TRHDE: variants seen among roughly 807,000 people sequenced by gnomAD.
TRHDE encodes thyrotropin releasing hormone degrading enzyme, also known as thyrotropin-releasing hormone-degrading ectoenzyme.
TRHDE carries 72 observed loss-of-function variants against 125.7 expected under a neutral mutation model. That is an observed-to-expected ratio of 0.57 (90% CI 0.47 to 0.70). The LOEUF is 0.70. Among genes scored for constraint, TRHDE ranks in the 30% least tolerant of loss-of-function variants. TRHDE has a pLI of 0.00. For synonymous variants in TRHDE, 509 were observed against 509.1 expected (o/e 1.00, Z 0.00); for missense variants, 1,110 against 1,327.1 (o/e 0.84, Z 2.54).
intron 2 of TRHDE, among the ~76,000 whole-genome samples, chr12:72,179,419 T>C (rs906270424): frequency 6.6e-6 from 1 of 151,980 alleles, no homozygotes; most frequent in Non-Finnish European, 1.5e-5. Context: ...TAAACTCTTA[T>C]AGAATGTATC....
intron 1 of TRHDE, among the ~76,000 whole-genome samples, chr12:72,281,007 A>T (rs1879677150): frequency 6.6e-6 from 1 of 152,234 alleles, no homozygotes. Context: ...ATACCCTTCA[A>T]CAATGATGAT....
chr12:72,305,452 C>G (rs998258866), intron 2 of TRHDE, among the ~76,000 whole-genome samples: 5 of 152,130 alleles, frequency 3.3e-5, no homozygotes, highest in African/African-American at 1.2e-4. Flanking sequence ...TCATAAATTG[C>G]CTTCGGGGCA....
chr12:72,419,275 TA>T (rs1269861569), intron 3 of TRHDE, among the ~76,000 whole-genome samples: 1 of 152,178 alleles, frequency 6.6e-6, no homozygotes, highest in African/African-American at 2.4e-5. Context: ...AGAAAAAATG[TA>T]AAAAGTTGTA....
chr12:72,241,752 G>A (rs1592496851), intron 2 of TRHDE, among the ~76,000 whole-genome samples: 1 of 152,124 alleles, frequency 6.6e-6, no homozygotes, highest in Non-Finnish European at 1.5e-5. Context: ...GTCAGTTTTT[G>A]TTGCCATCAG....
Position 72,666,014 on chromosome 12 carries a change from A to G in TRHDE, c.*2819A>G, listed in dbSNP as rs1875102095. 6.6e-6 allele frequency: 1 copy of G among 152,078 alleles called. No homozygotes were observed. The allele number at this position is 152,078 out of a possible 1,614,324, so 9.4% of individuals were successfully genotyped here. ...ACTTGCATTATTTTATATTATCTCC[A>G]GGACAATTATATCATAGGACTAAGA... On this transcript the variant is annotated 3_prime_UTR_variant, in exon 19 of 19. Coordinates refer to ENST00000261180, the MANE Select transcript of TRHDE (RefSeq NM_013381.3).
intron 3 of TRHDE, among the ~76,000 whole-genome samples, chr12:72,441,791 C>G (rs1158289922): frequency 2.0e-5 from 3 of 151,694 alleles, no homozygotes; most frequent in Non-Finnish European, 4.4e-5. Flanking sequence ...GATAATAAAG[C>G]AAATGCTAGT....
chr12:72,393,267 G>T lies in TRHDE; in HGVS notation c.1315+15146G>T, dbSNP rs138849912. On this transcript the variant is annotated intron_variant, in intron 3 of 18. Coordinates refer to ENST00000261180, the MANE Select transcript of TRHDE (RefSeq NM_013381.3). ...ATAACTGCTAATCATATAGACATTTGAATCAGGTGACTGGACTTAAATCTC... is the reference window on the plus strand; with the variant it reads ...ATAACTGCTAATCATATAGACATTTTAATCAGGTGACTGGACTTAAATCTC... Among the ~76,000 whole-genome samples, 164 of 152,224 alleles carry T rather than the reference G, an allele frequency of 1.1e-3. 1 individual carries two copies. The highest frequency in any genetic ancestry group is 1.9e-3 in the Non-Finnish European group (130 of 68,012).
chr12:72,229,223 CA>C (rs1177594598), intron 2 of TRHDE, among the ~76,000 whole-genome samples: 1 of 152,164 alleles, frequency 6.6e-6, no homozygotes, highest in African/African-American at 2.4e-5. Context: ...AATGGACTCA[CA>C]GTTTCATACG....
intron 1 of TRHDE, among the ~76,000 whole-genome samples, chr12:72,279,645 C>T (rs956612437): frequency 6.6e-6 from 1 of 152,166 alleles, no homozygotes; most frequent in African/African-American, 2.4e-5. Flanking sequence ...CAAACAGGCA[C>T]AGCTGTATGG....
rs186395387 is a variant in TRHDE, at chr12:72,666,428, C to G, written c.*3233C>G. ...ACTAGCCAGGCATGGTGGTGTGCAC[C>G]TGTTGTCCCAGCTACTGGGGAGGCT... is the stretch of plus-strand genomic sequence containing the variant. On this transcript the variant is annotated 3_prime_UTR_variant, in exon 19 of 19. Coordinates refer to ENST00000261180, the MANE Select transcript of TRHDE (RefSeq NM_013381.3). 1 of 152,142 alleles carries G rather than the reference C, an allele frequency of 6.6e-6. No individual in the cohort carries two copies. Among genetic ancestry groups the G allele is most frequent in the Admixed American group, 6.6e-5 (1 of 15,252 alleles). 9.4% of individuals were successfully genotyped at this position (152,142 alleles called of 1,614,324 possible). A position where few individuals can be genotyped will look rare whatever the true frequency, so the allele number is the denominator to read the frequency against.
At chr12:72,477,910 G>T (rs1351539173) in intron 5 of TRHDE, among the ~76,000 whole-genome samples, 1 of 152,058 alleles carries the variant, frequency 6.6e-6, no homozygotes, top group Non-Finnish European at 1.5e-5. Flanking sequence ...ACAAGAAAGT[G>T]CTTCTATAAT....
chr12:72,112,040 T>TG (rs1457499637), intron 2 of TRHDE, among the ~76,000 whole-genome samples: 1 of 152,108 alleles, frequency 6.6e-6, no homozygotes, highest in African/African-American at 2.4e-5. Flanking sequence ...GTTAATACCC[T>TG]GGGAAGAATC....
chr12:72,598,169 A>T (rs1872058383), intron 12 of TRHDE, among the ~76,000 whole-genome samples: 1 of 152,164 alleles, frequency 6.6e-6, no homozygotes, highest in Non-Finnish European at 1.5e-5. Context: ...GATCCTATCT[A>T]TGAATATAGT....
intron 2 of TRHDE, among the ~76,000 whole-genome samples, chr12:72,154,142 A>G (rs1473131926): frequency 6.6e-6 from 1 of 152,098 alleles, no homozygotes; most frequent in Admixed American, 6.6e-5. Flanking sequence ...TCCCTTTACC[A>G]TTATGTAATG....
chr12:72,478,939 A>C (rs1374761374), intron 5 of TRHDE, among the ~76,000 whole-genome samples: 1 of 150,752 alleles, frequency 6.6e-6, no homozygotes, highest in East Asian at 1.9e-4. Flanking sequence ...AAAAAAAAAA[A>C]AACAAAAACA....
At chr12:72,147,424 A>G (rs1266682001) in intron 2 of TRHDE, 1 of 152,188 alleles carries the variant, frequency 6.6e-6, no homozygotes, top group African/African-American at 2.4e-5. Context: ...GTGCAGATCT[A>G]CTAGAGCTGA....
intron 2 of TRHDE, among the ~76,000 whole-genome samples, chr12:72,360,543 A>G (rs1465612454): frequency 7.2e-5 from 11 of 151,832 alleles, no homozygotes; most frequent in Non-Finnish European, 1.5e-4. Context: ...ACCGTGGAAC[A>G]CTATTTCATA....
chr12:72,195,903 T>C (rs1207023938), intron 2 of TRHDE, among the ~76,000 whole-genome samples: 2 of 152,136 alleles, frequency 1.3e-5, no homozygotes, highest in Non-Finnish European at 1.5e-5. Flanking sequence ...TTTTTGTATA[T>C]AAGGTGAAAG....
At chr12:72,570,805 G>A (rs1438689869) in intron 10 of TRHDE, among the ~76,000 whole-genome samples, 1 of 152,122 alleles carries the variant, frequency 6.6e-6, no homozygotes, top group Non-Finnish European at 1.5e-5. Context: ...ACTGTAGGAG[G>A]CGCTATTTGC....
Sources: allele counts gnomAD v4.1 joint callset (sites outside exome capture counted in the v4.1 genomes callset), GRCh38; gene constraint gnomAD v4.1.1; transcripts MANE v1.5; gene names NCBI Gene and HGNC (gene_info 2026-07-23, HGNC 2026-07-21).